NDFIP2: variants seen among roughly 807,000 people sequenced by gnomAD.
NDFIP2 encodes Nedd4 family interacting protein 2.
A neutral mutation model predicts 36.0 loss-of-function variants in NDFIP2; 19 were observed. The observed-to-expected ratio is 0.53, with a 90% CI of 0.37 to 0.77. NDFIP2 has a LOEUF of 0.77. Among genes scored for constraint, NDFIP2 ranks in the 30% least tolerant of loss-of-function variants. NDFIP2 has a pLI of 0.00. For synonymous variants in NDFIP2, 181 were observed against 167.7 expected, an observed-to-expected ratio of 1.08 and a Z score of -0.61; for missense variants, 446 against 435.8, an observed-to-expected ratio of 1.02 and a Z score of -0.21.
intron 1 of NDFIP2, among the ~76,000 whole-genome samples, chr13:79,509,771 A>C (rs1874012023): frequency 6.6e-6 from 1 of 152,154 alleles, no homozygotes; most frequent in Non-Finnish European, 1.5e-5. Context: ...GCTGAGTAGC[A>C]AGGAGAGCTG....
At chr13:79,543,080 T>C (rs545603966) in intron 4 of NDFIP2, among the ~76,000 whole-genome samples, 11 of 152,174 alleles carry the variant, frequency 7.2e-5, no homozygotes, top group Admixed American at 2.6e-4. Context: ...TTTCACCATG[T>C]TGGCCAGGCT....
chr13:79,541,689 A>C (rs1395685870), intron 4 of NDFIP2, among the ~76,000 whole-genome samples: 1 of 152,036 alleles, frequency 6.6e-6, no homozygotes, highest in Non-Finnish European at 1.5e-5. Flanking sequence ...TTAAATATCT[A>C]ATAGCTACTG....
chr13:79,536,253 T>C (rs932638239), intron 3 of NDFIP2, among the ~76,000 whole-genome samples: 1 of 152,214 alleles, frequency 6.6e-6, no homozygotes, highest in Admixed American at 6.5e-5. Context: ...TGGGTAGGGC[T>C]CTTTTTTTGT....
intron 1 of NDFIP2, among the ~76,000 whole-genome samples, chr13:79,494,972 T>G (rs537688967): frequency 2.6e-5 from 4 of 152,062 alleles, no homozygotes; most frequent in African/African-American, 9.6e-5. Context: ...TAAATTTCTG[T>G]TGTTCTGTGT....
At chr13:79,529,515 T>C (rs1405141237) in intron 2 of NDFIP2, among the ~76,000 whole-genome samples, 1 of 152,202 alleles carries the variant, frequency 6.6e-6, no homozygotes, top group Non-Finnish European at 1.5e-5. Context: ...TTCTACTCTT[T>C]TAAAACTAAA....
intron 6 of NDFIP2, 149 bp from the exon 7 acceptor site, chr13:79,550,868 A>T: frequency 1.2e-5 from 6 of 485,294 alleles, no homozygotes; most frequent in Non-Finnish European, 2.2e-5. Context: ...TTATCCTTAT[A>T]GTGTAAAATA....
At chr13:79,539,531 T>C (rs1417960435) in intron 3 of NDFIP2, 151 bp from the exon 4 acceptor site, 3 of 549,098 alleles carry the variant, frequency 5.5e-6, no homozygotes, top group South Asian at 5.7e-5. Context: ...CTAATGCTTA[T>C]TGATTACTCT....
rs2079810284 is a variant in NDFIP2, at chr13:79,481,307, A to G, written c.104A>G (p.Glu35Gly). Residue 35 changes from glutamate to glycine, a missense_variant, in exon 1 of 8, where the codon GAG (glutamate) becomes GGG (glycine). This residue lies in a region of NDFIP2 where 369 missense variants were observed against 304.8 expected (regional missense o/e 1.21). Transcript: ENST00000218652. Reference protein sequence around the residue: ...ELLRGTATNAEVSAAAAGATG... With the variant: ...ELLRGTATNAGVSAAAAGATG... ...CTCCGCGGAACCGCGACCAACGCGG[A>G]GGTCTCGGCGGCCGCTGCGGGAGCC... 1.9e-6 allele frequency: 3 copies of G among 1,541,914 alleles called. No individual in the cohort carries two copies. Among genetic ancestry groups the G allele is most frequent in the East Asian group, 2.4e-5 (1 of 40,956 alleles).
At chr13:79,520,702 T>G (rs1256516240) in intron 1 of NDFIP2, 108 bp from the exon 2 acceptor site, 2 of 1,037,572 alleles carry the variant, frequency 1.9e-6, no homozygotes, top group Non-Finnish European at 1.3e-6. Context: ...GCCATTTTCT[T>G]TGTGTTTGGC....
intron 6 of NDFIP2, among the ~76,000 whole-genome samples, chr13:79,549,888 T>G (rs1875838531): frequency 6.6e-6 from 1 of 151,768 alleles, no homozygotes; most frequent in South Asian, 2.1e-4. Context: ...GCGATTGGGT[T>G]TAGCTGTAAT....
chr13:79,553,907 A>G lies in NDFIP2; in HGVS notation c.*1394A>G, dbSNP rs944678297. 2.6e-5 allele frequency: 4 copies of G among 152,008 alleles called. No homozygotes were observed. Among genetic ancestry groups the G allele is most frequent in the Non-Finnish European group, 5.9e-5 (4 of 67,592 alleles). 9.4% of individuals were successfully genotyped at this position (152,008 alleles called of 1,614,324 possible). On this transcript the variant is annotated 3_prime_UTR_variant, in exon 8 of 8. Transcript: ENST00000218652. ...AACTTAAAAATTATTTAATACAGCT[A>G]TATGGACCTTATAAAATTGATTTCT...
chr13:79,521,014 T>A (rs775531268), intron 2 of NDFIP2, 39 bp downstream of exon 2: 8 of 1,530,014 alleles, frequency 5.2e-6, no homozygotes, highest in Admixed American at 2.1e-5. Flanking sequence ...AGTTCTTTTT[T>A]TTTTTTGACA....
At chr13:79,517,512 A>G (rs748349865) in intron 1 of NDFIP2, among the ~76,000 whole-genome samples, 2 of 152,210 alleles carry the variant, frequency 1.3e-5, no homozygotes, top group East Asian at 3.8e-4. Flanking sequence ...CACAGAGGCA[A>G]TTTTATTGCC....
At chr13:79,535,759 GGA>G (rs1294988223) in intron 3 of NDFIP2, among the ~76,000 whole-genome samples, 1 of 151,758 alleles carries the variant, frequency 6.6e-6, no homozygotes, top group African/African-American at 2.4e-5. Context: ...AAAATTGCTA[GGA>G]GAGTAGATTT....
At chr13:79,487,406 A>G (rs1362560465) in intron 1 of NDFIP2, among the ~76,000 whole-genome samples, 2 of 152,164 alleles carry the variant, frequency 1.3e-5, no homozygotes, top group African/African-American at 4.8e-5. Context: ...AATACACTGC[A>G]GTTTATCCAT....
chr13:79,486,400 G>T (rs1872990839), intron 1 of NDFIP2, among the ~76,000 whole-genome samples: 1 of 152,130 alleles, frequency 6.6e-6, no homozygotes, highest in South Asian at 2.1e-4. Flanking sequence ...TATTTGTATT[G>T]TTGTGTATTT....
intron 1 of NDFIP2, among the ~76,000 whole-genome samples, chr13:79,504,268 C>A (rs560097416): frequency 6.6e-6 from 1 of 151,924 alleles, no homozygotes. Context: ...ACAAAGAATT[C>A]CTGTGTATAT....
chr13:79,523,089 T>A (rs186963738), intron 2 of NDFIP2, among the ~76,000 whole-genome samples: 1 of 152,326 alleles, frequency 6.6e-6, no homozygotes, highest in Admixed American at 6.5e-5. Flanking sequence ...GGTACCTGAT[T>A]TTAAAATTAC....
chr13:79,533,441 A>G lies in NDFIP2; in HGVS notation c.606A>G (p.Ala202=), dbSNP rs1450878057. The G allele has an allele frequency of 6.3e-7, 1 of 1,599,994 alleles. No individual in the cohort carries two copies. Among genetic ancestry groups the G allele is most frequent in the Non-Finnish European group, 8.5e-7 (1 of 1,175,528 alleles). Residue 202 remains alanine (A), a synonymous_variant, in exon 3 of 8, where the codon GCA becomes GCG. Coordinates refer to ENST00000218652, the MANE Select transcript of NDFIP2 (RefSeq NM_019080.3). ...AKAAAMAAAA[A]ETSQRIQEEE... ...CTGCTGCAATGGCAGCTGCAGCAGC[A>G]GAAACATCTCAAAGAGTAAGAAAAT...
Sources: gnomAD v4.1 joint callset for allele counts (sites outside exome capture counted in the v4.1 genomes callset) on GRCh38, gnomAD v4.1.1 for gene constraint, gnomAD v4.1.1 regional missense constraint, MANE v1.5 for transcripts, NCBI Gene and HGNC (gene_info 2026-07-23, HGNC 2026-07-21) for gene names.